The following VSIG10L2 variants were observed in gnomAD, a reference collection of about 807,000 sequenced individuals.
VSIG10L2 encodes V-set and immunoglobulin domain-containing protein 10-like 2.
VSIG10L2 carries 56 observed loss-of-function variants against 67.1 expected under a neutral mutation model. The observed-to-expected ratio is 0.83, with a 90% CI of 0.67 to 1.04. The LOEUF (loss-of-function observed/expected upper bound fraction) is 1.04. Ranked by LOEUF, VSIG10L2 falls within the 50% of genes least tolerant of loss-of-function variation. VSIG10L2 has a pLI of 0.00. For missense variants in VSIG10L2, 843 were observed against 932.8 expected, an observed-to-expected ratio of 0.90 and a Z score of 1.25; for synonymous variants, 360 against 396.6, an observed-to-expected ratio of 0.91 and a Z score of 1.10.
chr11:125,952,570 T>C (rs1945392444), intron 6 of VSIG10L2, among the ~76,000 whole-genome samples: 1 of 152,208 alleles, frequency 6.6e-6, no homozygotes, highest in South Asian at 2.1e-4. Context: ...ATAGCACTGA[T>C]CTAGATGAAG....
intron 3 of VSIG10L2, among the ~76,000 whole-genome samples, chr11:125,949,692 T>C (rs1301545881): frequency 1.3e-5 from 2 of 152,170 alleles, no homozygotes; most frequent in African/African-American, 4.8e-5. Flanking sequence ...GCCGAATGTC[T>C]GCTTCCAAGA....
intron 1 of VSIG10L2, 79 bp from the exon 2 acceptor site, chr11:125,947,603 AAAAG>A (rs1477360625): frequency 8.9e-6 from 11 of 1,231,572 alleles, no homozygotes; most frequent in Non-Finnish European, 1.1e-5. Flanking sequence ...TGCAGAACCA[AAAAG>A]AGAGGCTCCA....
At chr11:125,947,529 T>C (rs570743317) in intron 1 of VSIG10L2, 157 bp from the exon 2 acceptor site, 2 of 985,424 alleles carry the variant, frequency 2.0e-6, no homozygotes, top group East Asian at 1.1e-4. Context: ...AACTGTCTCT[T>C]GCCCACCAAC....
At chr11:125,951,281 C>A in intron 5 of VSIG10L2, 123 bp downstream of exon 5, 1 of 956,998 alleles carries the variant, frequency 1.0e-6, no homozygotes, top group Non-Finnish European at 1.4e-6. Context: ...CAAAACACGC[C>A]ATGTAACAAG....
intron 3 of VSIG10L2, 87 bp from the exon 4 acceptor site, chr11:125,949,927 G>A (rs1456377013): frequency 2.5e-6 from 3 of 1,202,528 alleles, no homozygotes; most frequent in African/African-American, 1.6e-5. Context: ...CATGCCCCTA[G>A]GATGGATGCA....
intron 7 of VSIG10L2, 115 bp from the exon 8 acceptor site, chr11:125,953,972 A>G: frequency 2.1e-6 from 2 of 943,278 alleles, no homozygotes; most frequent in South Asian, 1.1e-4. Context: ...ACAGACCCCA[A>G]TCCAGTGCCT....
Position 125,955,157 on chromosome 11 carries a change from C to T in VSIG10L2, c.2184C>T (p.Ala728=), listed in dbSNP as rs1224725962. Residue 728 remains alanine, a synonymous_variant, in exon 9 of 12, where the codon GCC becomes GCT. Coordinates refer to ENST00000686984, the MANE Select transcript of VSIG10L2 (RefSeq NM_001365077.2). ...VASLLVFQYA[A]RHPETFPRLG... is the part of the protein sequence containing the mutation. ...CTCTACTGGTGTTCCAGTATGCTGC[C>T]CGGCACCCAGAGACTTTCCCCCGTG... is the stretch of plus-strand genomic sequence containing the variant. 1 of 1,250,404 alleles carries T rather than the reference C, an allele frequency of 8.0e-7. No homozygotes were observed. The highest frequency in any genetic ancestry group is 3.1e-5 in the East Asian group (1 of 32,426). The allele number at this position is 1,250,404 out of a possible 1,614,324, so 77.5% of individuals were successfully genotyped here. A position where few individuals can be genotyped will look rare whatever the true frequency, so the allele number is the denominator to read the frequency against.
At position 125,947,727 on chromosome 11, in the gene VSIG10L2, G is replaced by T. The variant is rs574157995; in HGVS notation, c.124G>T (p.Val42Leu). ...PTPEAPVEEV[V>L]SVQGVRGGSV... ...CCCCGAGGCCCCTGTAGAGGAGGTGGTGTCTGTCCAGGGAGTGCGAGGTGG... is the reference window on the plus strand; with the variant it reads ...CCCCGAGGCCCCTGTAGAGGAGGTGTTGTCTGTCCAGGGAGTGCGAGGTGG... Residue 42 changes from valine to leucine, a missense_variant, in exon 2 of 12, where the codon GTG becomes TTG. Around this residue, in one of 2 missense-constraint regions of VSIG10L2, gnomAD observed 446 missense variants for 548.4 expected, o/e 0.81. Transcript: ENST00000686984. The T allele has an allele frequency of 3.2e-6, 4 of 1,232,306 alleles. No individual in the cohort carries two copies. In the South Asian group the frequency reaches 1.6e-4, roughly 51 times the overall value. 76.3% of individuals were successfully genotyped at this position (1,232,306 alleles called of 1,614,324 possible).
intron 3 of VSIG10L2, among the ~76,000 whole-genome samples, chr11:125,949,009 C>G (rs1156584492): frequency 6.6e-6 from 1 of 152,188 alleles, no homozygotes; most frequent in African/African-American, 2.4e-5. Flanking sequence ...GCCAGGGTGG[C>G]CTGGAGCTCG....
chr11:125,951,673 T>C, intron 5 of VSIG10L2, 140 bp from the exon 6 acceptor site: 1 of 820,946 alleles, frequency 1.2e-6, no homozygotes, highest in Non-Finnish European at 1.8e-6. Flanking sequence ...GATCAATAAA[T>C]GATGAGTGTG....
At chr11:125,953,146 G>C (rs1945400700) in intron 6 of VSIG10L2, among the ~76,000 whole-genome samples, 1 of 152,172 alleles carries the variant, frequency 6.6e-6, no homozygotes, top group African/African-American at 2.4e-5. Context: ...AGGAGCCGAG[G>C]CTAGGGTGGG....
At position 125,950,047 on chromosome 11, in the gene VSIG10L2, C is replaced by T. The variant is rs1945345266; in HGVS notation, c.743C>T (p.Pro248Leu). 9 of 1,232,236 alleles carry T rather than the reference C, an allele frequency of 7.3e-6. No homozygotes were observed. Among genetic ancestry groups the T allele is most frequent in the Admixed American group, 4.2e-5 (1 of 23,700 alleles). The allele number at this position is 1,232,236 out of a possible 1,614,324, so 76.3% of individuals were successfully genotyped here. The part of the protein sequence containing the change: ...GPDKPVITME[P>L]LGLTEEGFWA... Reference sequence around the variant, plus strand: ...GACAAGCCTGTGATCACCATGGAGCCGCTGGGACTCACTGAGGAGGGCTTC... The same window carrying T: ...GACAAGCCTGTGATCACCATGGAGCTGCTGGGACTCACTGAGGAGGGCTTC... Residue 248 changes from proline (P) to leucine (L), a missense_variant, in exon 4 of 12, where the codon CCG becomes CTG. This residue lies in a region of VSIG10L2 where 446 missense variants were observed against 548.4 expected (regional missense o/e 0.81). Coordinates refer to ENST00000686984, the MANE Select transcript of VSIG10L2 (RefSeq NM_001365077.2).
Position 125,948,365 on chromosome 11 carries a change from T to G in VSIG10L2, c.494T>G (p.Val165Gly). The G allele has an allele frequency of 2.4e-6, 3 of 1,232,342 alleles. No individual in the cohort carries two copies. In the South Asian group the frequency reaches 1.2e-4, roughly 51 times the overall value. 76.3% of individuals were successfully genotyped at this position (1,232,342 alleles called of 1,614,324 possible). Reference sequence around the variant, plus strand: ...CCGTCCCCTGTGGAGGGAGCCTCCGTGGTGGCCACGTGTGCAGTGCGGGAG... The same window carrying G: ...CCGTCCCCTGTGGAGGGAGCCTCCGGGGTGGCCACGTGTGCAGTGCGGGAG... The part of the protein sequence containing the change: ...SNPSPVEGAS[V>G]VATCAVREGT... The change falls in exon 3 of 12, where the codon GTG becomes GGG. Residue 165 changes from valine to glycine, a missense_variant. Transcript: ENST00000686984.
In VSIG10L2 at chr11:125,954,515, C is replaced by G. The variant is rs563326093; in HGVS notation, c.2083+132C>G. The G allele has an allele frequency of 1.2e-5, 9 of 726,348 alleles. No individual in the cohort carries two copies. In the East Asian group the frequency reaches 2.0e-4, roughly 16 times the overall value. The allele number at this position is 726,348 out of a possible 1,614,324, so 45.0% of individuals were successfully genotyped here. On this transcript the variant is annotated intron_variant, in intron 8 of 11. Transcript: ENST00000686984. ...CTACTGAATTCTCCCATCCCCAGCC[C>G]GTCCTCCTCTCTCTCCACTCTCCCC...
chr11:125,948,070 G>C, intron 2 of VSIG10L2, 34 bp downstream of exon 2: 1 of 1,232,462 alleles, frequency 8.1e-7, no homozygotes, highest in Non-Finnish European at 1.0e-6. Context: ...GCTGGTCCGC[G>C]GGCTGCTTTG....
At position 125,955,123 on chromosome 11, in the gene VSIG10L2, C is replaced by A. The variant is rs565465951; in HGVS notation, c.2150C>A (p.Thr717Lys). The change falls in exon 9 of 12, where the codon ACG (threonine) becomes AAG (lysine). Residue 717 changes from threonine (T) to lysine (K), a missense_variant. Thr to Lys is a moderately conservative substitution (Grantham distance 78). Around this residue, in one of 2 missense-constraint regions of VSIG10L2, gnomAD observed 397 missense variants for 384.4 expected, o/e 1.03. Transcript: ENST00000686984. Reference protein sequence around the residue: ...GAAGTGMVVATVASLLVFQYA... With the variant: ...GAAGTGMVVAKVASLLVFQYA... ...GCAGGCACGGGAATGGTGGTAGCAA[C>A]GGTGGCCTCTCTACTGGTGTTCCAG... is the stretch of plus-strand genomic sequence containing the variant. 454 of 1,240,154 alleles carry A rather than the reference C, an allele frequency of 3.7e-4. No homozygotes were observed. The African/African-American group carries it at 4.8e-3, about 13-fold the overall frequency. 76.8% of individuals were successfully genotyped at this position (1,240,154 alleles called of 1,614,324 possible).
At position 125,951,178 on chromosome 11, in the gene VSIG10L2, C is replaced by T. The variant is rs1166714270; in HGVS notation, c.1234+20C>T. On this transcript the variant is annotated intron_variant, in intron 5 of 11. Coordinates refer to ENST00000686984, the MANE Select transcript of VSIG10L2 (RefSeq NM_001365077.2). ...TGCTCTGTGAGTGGACACAGGAAAC[C>T]CCAGGGCTCTGACATTCCAGGCAGA... The T allele has an allele frequency of 3.2e-6, 4 of 1,232,640 alleles. No homozygotes were observed. The African/African-American group carries it at 6.2e-5, about 19-fold the overall frequency. The allele number at this position is 1,232,640 out of a possible 1,614,324, so 76.4% of individuals were successfully genotyped here.
rs1945453962 is a variant in VSIG10L2 at position 125,955,603 on chromosome 11, C to T, written c.2232-12C>T. Reference sequence around the variant, plus strand: ...AGTTGCCACTAACTTTACTCTCCCACTTCACTCTCAGGGAGCAAAGGCACC... The same window carrying T: ...AGTTGCCACTAACTTTACTCTCCCATTTCACTCTCAGGGAGCAAAGGCACC... On this transcript the variant is annotated splice_polypyrimidine_tract_variant and intron_variant, in intron 10 of 11. Transcript: ENST00000686984. 6.5e-7 allele frequency: 1 copy of T among 1,528,044 alleles called. No individual in the cohort carries two copies. Among genetic ancestry groups the T allele is most frequent in the Non-Finnish European group, 8.8e-7 (1 of 1,142,444 alleles). The allele number at this position is 1,528,044 out of a possible 1,614,324, so 94.7% of individuals were successfully genotyped here.
At chr11:125,950,862 G>T in intron 4 of VSIG10L2, 48 bp from the exon 5 acceptor site, 1 of 1,232,358 alleles carries the variant, frequency 8.1e-7, no homozygotes, top group Non-Finnish European at 1.0e-6. Flanking sequence ...GGGGCTGCAG[G>T]GCACTGGCAG....
Sources: gnomAD v4.1 joint callset for allele counts (sites outside exome capture counted in the v4.1 genomes callset) on GRCh38, gnomAD v4.1.1 for gene constraint, gnomAD v4.1.1 regional missense constraint, MANE v1.5 for transcripts, NCBI Gene and HGNC (gene_info 2026-07-23, HGNC 2026-07-21) for gene names.